Variants in CASS4 observed in about 807,000 individuals in gnomAD.
The protein encoded by CASS4 is cas scaffolding protein family member 4.
CASS4 carries 22 observed loss-of-function variants against 54.2 expected under a neutral mutation model. That is an observed-to-expected ratio of 0.41 (90% CI 0.29 to 0.58). CASS4 has a LOEUF of 0.58. CASS4 is among the 20% of genes least tolerant of loss of function. The pLI is 0.36. For synonymous variants in CASS4, 409 were observed against 391.5 expected (o/e 1.04, Z -0.53); for missense variants, 854 against 986.7 (o/e 0.87, Z 1.80).
chr20:56,427,208 C>T (rs889914124), intron 1 of CASS4, among the ~76,000 whole-genome samples: 2 of 149,708 alleles, frequency 1.3e-5, no homozygotes, highest in Admixed American at 6.7e-5. Context: ...TGTCACCCTT[C>T]TGGAGGTGAC....
At chr20:56,447,293 A>T (rs1163682922) in intron 3 of CASS4, among the ~76,000 whole-genome samples, 1 of 152,170 alleles carries the variant, frequency 6.6e-6, no homozygotes, top group Non-Finnish European at 1.5e-5. Context: ...TTAATTGTCC[A>T]GGCAATAATC....
intron 5 of CASS4, among the ~76,000 whole-genome samples, chr20:56,455,550 A>G (rs1354235163): frequency 6.6e-6 from 1 of 152,206 alleles, no homozygotes; most frequent in African/African-American, 2.4e-5. Context: ...GCTGACAGTT[A>G]TGCTATTTTG....
rs1981109216 is a variant in CASS4, at chr20:56,452,937, T to G, written c.1761T>G (p.Leu587=). The part of the protein sequence containing the change: ...ASIVIANGRL[L]FKRNCEKEET... ...TTGTCATTGCCAATGGAAGGCTCCT[T>G]TTTAAGCGGAACTGTGAAAAGGAAG... Residue 587 remains leucine (L), a synonymous_variant, in exon 5 of 6, where the codon CTT becomes CTG. Coordinates refer to ENST00000679887, the MANE Select transcript of CASS4 (RefSeq NM_020356.4). 1 of 1,613,918 alleles carries G rather than the reference T, an allele frequency of 6.2e-7. No individual in the cohort carries two copies. Among genetic ancestry groups the G allele is most frequent in the East Asian group, 2.2e-5 (1 of 44,874 alleles).
Position 56,430,768 on chromosome 20 carries a change from G to A in CASS4, c.37-6396G>A, listed in dbSNP as rs1979866074. Among the ~76,000 whole-genome samples, 1 of 152,200 alleles carries A rather than the reference G, an allele frequency of 6.6e-6. No individual in the cohort carries two copies. The highest frequency in any genetic ancestry group is 2.4e-5 in the African/African-American group (1 of 41,462). The stretch of plus-strand genomic sequence containing the variant: ...TCTGCAAAGGGGTGACTCGAGCTGA[G>A]ACCCAGAGGAGGAGGATCTGGCGGA... On this transcript the variant is annotated intron_variant, in intron 1 of 5. Coordinates refer to ENST00000679887, the MANE Select transcript of CASS4 (RefSeq NM_020356.4). The surrounding 1 kb of genome is among the most constrained non-coding windows in gnomAD (Gnocchi z 4.2).
At chr20:56,456,223 C>A (rs1375137682) in intron 5 of CASS4, among the ~76,000 whole-genome samples, 1 of 151,946 alleles carries the variant, frequency 6.6e-6, no homozygotes, top group Admixed American at 6.6e-5. Context: ...TATAGAAGTC[C>A]CTAGTCAATG....
At chr20:56,455,748 G>T (rs548088090) in intron 5 of CASS4, among the ~76,000 whole-genome samples, 1 of 152,192 alleles carries the variant, frequency 6.6e-6, no homozygotes, top group East Asian at 1.9e-4. Flanking sequence ...TGACCAACAT[G>T]GTGAAACCCC....
At position 56,430,272 on chromosome 20, in the gene CASS4, C is replaced by A. The variant is rs1979842139; in HGVS notation, c.37-6892C>A. ...GTCTCTTATTCTTCACGTTTGTTTCCCTATCCTCCTCCTGTTCTTCCTTCC... is the reference window on the plus strand; with the variant it reads ...GTCTCTTATTCTTCACGTTTGTTTCACTATCCTCCTCCTGTTCTTCCTTCC... On this transcript the variant is annotated intron_variant, in intron 1 of 5. Transcript: ENST00000679887. This position sits in a 1 kb window ranked among gnomAD's most constrained non-coding sequence, Gnocchi z 4.2. Among the ~76,000 whole-genome samples, 1 of 152,162 alleles carries A rather than the reference C, an allele frequency of 6.6e-6. No individual in the cohort carries two copies. The highest frequency in any genetic ancestry group is 2.4e-5 in the African/African-American group (1 of 41,422).
intron 1 of CASS4, among the ~76,000 whole-genome samples, chr20:56,419,009 A>G (rs147051647): frequency 9.2e-5 from 14 of 152,290 alleles, no homozygotes; most frequent in African/African-American, 1.4e-4. Context: ...CTTGGGGGGA[A>G]AAAAAGCTAA....
chr20:56,429,873 AT>A (rs547236390), intron 1 of CASS4, among the ~76,000 whole-genome samples: 185 of 152,104 alleles, frequency 1.2e-3, no homozygotes, highest in African/African-American at 4.2e-3. Flanking sequence ...AACTTCCTGT[AT>A]TTTTTATAAC....
intron 3 of CASS4, 93 bp downstream of exon 3, chr20:56,446,094 C>T: frequency 1.2e-6 from 1 of 801,436 alleles, no homozygotes; most frequent in Non-Finnish European, 2.0e-6. Flanking sequence ...TTCAGCATTA[C>T]CATGGCGGCC....
At chr20:56,455,683 A>G (rs1981258108) in intron 5 of CASS4, among the ~76,000 whole-genome samples, 1 of 152,196 alleles carries the variant, frequency 6.6e-6, no homozygotes, top group Non-Finnish European at 1.5e-5. Flanking sequence ...TAATCCCAGC[A>G]CTTTGGGAGG....
At chr20:56,425,310 C>A (rs1377378906) in intron 1 of CASS4, among the ~76,000 whole-genome samples, 3 of 152,236 alleles carry the variant, frequency 2.0e-5, no homozygotes, top group African/African-American at 7.2e-5. Flanking sequence ...CTTAATGCAC[C>A]TGCAGTTAGA....
At chr20:56,450,497 G>T in intron 3 of CASS4, 102 bp from the exon 4 acceptor site, 1 of 1,067,406 alleles carries the variant, frequency 9.4e-7, no homozygotes, top group Non-Finnish European at 1.4e-6. Context: ...TCAGGAATTT[G>T]TGTCTTCCTT....
At chr20:56,429,161 T>G (rs1232477397) in intron 1 of CASS4, among the ~76,000 whole-genome samples, 4 of 152,176 alleles carry the variant, frequency 2.6e-5, no homozygotes, top group Admixed American at 6.5e-5. Flanking sequence ...TCCCGGCTCA[T>G]CTAAGCTGCT....
In CASS4 at chr20:56,450,586, G is replaced by T; in HGVS notation, c.562-13G>T. The stretch of plus-strand genomic sequence containing the variant: ...AAACATTCAAGTTGTCTGCCTTTGT[G>T]GTCTTTCCCCAGGAGCCAGAGAAGC... On this transcript the variant is annotated splice_polypyrimidine_tract_variant and intron_variant, in intron 3 of 5. Coordinates refer to ENST00000679887, the MANE Select transcript of CASS4 (RefSeq NM_020356.4). 1 of 1,613,224 alleles carries T rather than the reference G, an allele frequency of 6.2e-7. No individual in the cohort carries two copies.
intron 3 of CASS4, 77 bp downstream of exon 3, chr20:56,446,078 T>C: frequency 3.1e-6 from 3 of 968,296 alleles, no homozygotes; most frequent in Non-Finnish European, 4.8e-6. Flanking sequence ...CATGCCCACA[T>C]TGCATTTCAG....
intron 2 of CASS4, among the ~76,000 whole-genome samples, chr20:56,442,619 T>C (rs1980514210): frequency 6.6e-6 from 1 of 151,344 alleles, no homozygotes; most frequent in Non-Finnish European, 1.5e-5. Context: ...TGAGCTTTGT[T>C]TTACTTTTTA....
rs571656143 is a variant in CASS4, at chr20:56,459,999, A to C, written c.*1252A>C. On this transcript the variant is annotated 3_prime_UTR_variant, in exon 6 of 6. Coordinates refer to ENST00000679887, the MANE Select transcript of CASS4 (RefSeq NM_020356.4). ...CAAGAGAACTTATCTTCAAATGGTTAATTTTTATTGCATCCATTAGATAAT... is the reference window on the plus strand; with the variant it reads ...CAAGAGAACTTATCTTCAAATGGTTCATTTTTATTGCATCCATTAGATAAT... The C allele has an allele frequency of 6.6e-6, 1 of 152,270 alleles. No homozygotes were observed. The highest frequency in any genetic ancestry group is 1.5e-5 in the Non-Finnish European group (1 of 68,022). The allele number at this position is 152,270 out of a possible 1,614,324, so 9.4% of individuals were successfully genotyped here.
chr20:56,455,665 C>T (rs1981255268), intron 5 of CASS4, among the ~76,000 whole-genome samples: 1 of 152,194 alleles, frequency 6.6e-6, no homozygotes, highest in African/African-American at 2.4e-5. Context: ...CATGGTGGCT[C>T]ACGCCTGTAA....
Sources: allele counts gnomAD v4.1 joint callset (sites outside exome capture counted in the v4.1 genomes callset), GRCh38; gene constraint gnomAD v4.1.1; non-coding constraint Gnocchi (gnomAD v3.1); transcripts MANE v1.5; gene names NCBI Gene and HGNC (gene_info 2026-07-23, HGNC 2026-07-21).